The following SDK1 variants were observed in gnomAD, a reference collection of about 807,000 sequenced individuals.
SDK1 encodes protein sidekick-1.
In SDK1, 157 loss-of-function variants were observed where a neutral mutation model predicts 245.5. The ratio of observed to expected loss-of-function variants is 0.64; its 90% CI spans 0.56 to 0.73. The LOEUF is 0.73. SDK1 is among the 30% of genes least tolerant of loss of function. The probability of loss-of-function intolerance (pLI) is 0.00; values close to 1 mark genes in which losing one functional copy is unlikely to be tolerated. For missense variants in SDK1, 3,583 were observed against 3,002.3 expected (o/e 1.19, Z -4.52); for synonymous variants, 1,647 against 1,278.5 (o/e 1.29, Z -6.15).
At chr7:4,137,843 C>T (rs932534419) in intron 28 of SDK1, among the ~76,000 whole-genome samples, 3 of 152,236 alleles carry the variant, frequency 2.0e-5, no homozygotes, top group African/African-American at 4.8e-5. Flanking sequence ...TCCACAGAAA[C>T]GCTCTTATCT....
At chr7:3,602,588 A>G (rs1781286963) in intron 1 of SDK1, among the ~76,000 whole-genome samples, 2 of 151,550 alleles carry the variant, frequency 1.3e-5, no homozygotes. Flanking sequence ...CCTTTGTTAG[A>G]TGAGTAGGTT....
intron 42 of SDK1, among the ~76,000 whole-genome samples, chr7:4,240,414 C>G (rs1786445944): frequency 6.6e-6 from 1 of 152,166 alleles, no homozygotes; most frequent in Non-Finnish European, 1.5e-5. Flanking sequence ...ACTCCTTATC[C>G]TCCCATCCTC....
chr7:3,383,900 C>T (rs534617970), intron 1 of SDK1, among the ~76,000 whole-genome samples: 48 of 152,254 alleles, frequency 3.2e-4, no homozygotes, highest in African/African-American at 1.2e-3. Context: ...TCAAACCCTT[C>T]AGCTGGAGTC....
chr7:4,178,993 A>G (rs1193651744), intron 35 of SDK1: 1 of 174,200 alleles, frequency 5.7e-6, no homozygotes, highest in Non-Finnish European at 1.2e-5. Flanking sequence ...GTGACAGCCC[A>G]TTCTCTAGGT....
intron 4 of SDK1, among the ~76,000 whole-genome samples, chr7:3,756,481 C>T (rs553716095): frequency 5.3e-5 from 8 of 152,046 alleles, no homozygotes; most frequent in African/African-American, 1.9e-4. Context: ...AAATCTGACT[C>T]CTTTCACATG....
At chr7:4,264,421 G>A (rs1179147930) in intron 44 of SDK1, among the ~76,000 whole-genome samples, 10 of 138,538 alleles carry the variant, frequency 7.2e-5, no homozygotes, top group East Asian at 2.4e-4. Flanking sequence ...AAGGCCGCGT[G>A]GACCTCTCCT....
chr7:3,343,106 T>A (rs1254647874), intron 1 of SDK1, among the ~76,000 whole-genome samples: 1 of 152,062 alleles, frequency 6.6e-6, no homozygotes, highest in Non-Finnish European at 1.5e-5. Context: ...GAAAACAGTT[T>A]GGCGGTTTCT....
chr7:4,083,399 A>G (rs1260042889), intron 22 of SDK1, among the ~76,000 whole-genome samples: 2 of 151,984 alleles, frequency 1.3e-5, no homozygotes, highest in Admixed American at 6.5e-5. Context: ...CAGTCATCCC[A>G]TGGGACATCT....
intron 4 of SDK1, among the ~76,000 whole-genome samples, chr7:3,750,595 G>A (rs1376753759): frequency 6.6e-6 from 1 of 152,214 alleles, no homozygotes; most frequent in Admixed American, 6.5e-5. Context: ...CATAGCCAAG[G>A]AGTAGTGTGG....
intron 4 of SDK1, among the ~76,000 whole-genome samples, chr7:3,655,485 ATATATATATATATATATATG>A (rs1408547290): frequency 0.067 from 4,508 of 67,668 alleles, 243 homozygotes; most frequent in Non-Finnish European, 0.1. Flanking sequence ...ATATATATAT[ATATATATATATATATATATG>A]TATGTATGTA....
intron 44 of SDK1, among the ~76,000 whole-genome samples, chr7:4,246,670 A>G (rs10487575): frequency 0.28 from 42,834 of 151,900 alleles, 6,497 homozygotes; most frequent in African/African-American, 0.37. Context: ...CAGCAGTTCC[A>G]GGTCATGTAT....
Position 3,884,087 on chromosome 7 carries a change from T to G in SDK1, c.847+62504T>G, listed in dbSNP as rs12701257. 1.0e-3 allele frequency among the ~76,000 whole-genome samples: 103 copies of G among 100,994 alleles called. 1 individual carries two copies. The highest frequency in any genetic ancestry group is 3.6e-3 in the South Asian group (10 of 2,794). The allele number at this position is 100,994 out of a possible 152,430, so 66.3% of individuals were successfully genotyped here. The stretch of plus-strand genomic sequence containing the variant: ...TTTTTGTTTGTTTGTTTTTTTGTTT[T>G]TTTTTTTTTTTGAGACAGGGTCTCG... On this transcript the variant is annotated intron_variant, in intron 5 of 44. Coordinates refer to ENST00000404826, the MANE Select transcript of SDK1 (RefSeq NM_152744.4).
chr7:4,265,350 G>A lies in SDK1; in HGVS notation c.6608G>A (p.Arg2203Gln), dbSNP rs868510049. 3 of 1,460,776 alleles carry A rather than the reference G, an allele frequency of 2.1e-6. No individual in the cohort carries two copies. The highest frequency in any genetic ancestry group is 2.7e-6 in the Non-Finnish European group (3 of 1,119,434). 90.5% of individuals were successfully genotyped at this position (1,460,776 alleles called of 1,614,324 possible). A position where few individuals can be genotyped will look rare whatever the true frequency, so the allele number is the denominator to read the frequency against. ...TACACCCCCGCTGGCCCCGGCGCGC[G>A]AACTCCGCTCACCGGCTTCTCCTCC... Reference protein sequence around the residue: ...GVYTPAGPGARTPLTGFSSFV With the variant: ...GVYTPAGPGAQTPLTGFSSFV Residue 2203 changes from arginine (R) to glutamine (Q), a missense_variant, in exon 45 of 45, where the codon CGA becomes CAA. Physicochemically the swap from Arg to Gln is conservative, Grantham distance 43 (BLOSUM62 1). Coordinates refer to ENST00000404826, the MANE Select transcript of SDK1 (RefSeq NM_152744.4).
intron 35 of SDK1, among the ~76,000 whole-genome samples, chr7:4,200,275 C>A (rs144446715): frequency 2.6e-4 from 39 of 152,350 alleles, no homozygotes; most frequent in African/African-American, 9.1e-4. Context: ...AAACTCCAGG[C>A]GGTCTTGGAG....
chr7:4,127,454 C>G lies in SDK1; in HGVS notation c.3897C>G (p.Ser1299=). 1 of 1,614,132 alleles carries G rather than the reference C, an allele frequency of 6.2e-7. No individual in the cohort carries two copies. Among genetic ancestry groups the G allele is most frequent in the Non-Finnish European group, 8.5e-7 (1 of 1,180,006 alleles). Residue 1299 remains serine (S), a synonymous_variant, in exon 26 of 45, where the codon TCC becomes TCG. Transcript: ENST00000404826. The part of the protein sequence containing the change: ...SSTQILLTWT[S]VPEQDQNGLI... ...CCCAGATTTTACTGACATGGACATC[C>G]GTGCCGGAACAGGACCAGAATGGGC...
chr7:3,607,463 G>T (rs1388141400), intron 1 of SDK1, among the ~76,000 whole-genome samples: 2 of 152,126 alleles, frequency 1.3e-5, no homozygotes, highest in African/African-American at 4.8e-5. Context: ...CTCCATGAAG[G>T]TGTGATCCTA....
intron 5 of SDK1, among the ~76,000 whole-genome samples, chr7:3,903,185 T>C (rs1383789040): frequency 4.6e-5 from 7 of 150,620 alleles, no homozygotes; most frequent in South Asian, 2.1e-4. Context: ...ACTCCGTCGC[T>C]CAGGCTAGAG....
At chr7:3,572,188 A>C (rs936932380) in intron 1 of SDK1, among the ~76,000 whole-genome samples, 1 of 152,130 alleles carries the variant, frequency 6.6e-6, no homozygotes, top group Non-Finnish European at 1.5e-5. Flanking sequence ...ATAAGTTAGT[A>C]GTTTCTACCT....
chr7:3,410,263 C>G (rs1211948898), intron 1 of SDK1, among the ~76,000 whole-genome samples: 2 of 151,918 alleles, frequency 1.3e-5, no homozygotes, highest in Non-Finnish European at 2.9e-5. Flanking sequence ...GGGTCACAGT[C>G]AAAACTTCAT....
Sources: gnomAD v4.1 joint callset for allele counts (sites outside exome capture counted in the v4.1 genomes callset) on GRCh38, gnomAD v4.1.1 for gene constraint, MANE v1.5 for transcripts, NCBI Gene and HGNC (gene_info 2026-07-23, HGNC 2026-07-21) for gene names.